RBL1: variants seen among roughly 807,000 people sequenced by gnomAD.
The protein encoded by RBL1 is retinoblastoma-like protein 1.
Under a neutral mutation model 123.0 loss-of-function variants are expected in RBL1, and 82 were observed. The observed-to-expected ratio is 0.67, with a 90% CI of 0.56 to 0.80. The LOEUF (loss-of-function observed/expected upper bound fraction) is 0.80. Ranked by LOEUF, RBL1 falls within the 30% of genes least tolerant of loss-of-function variation. The pLI is 0.00. For synonymous variants in RBL1, 405 were observed against 441.3 expected, an observed-to-expected ratio of 0.92 and a Z score of 1.03; for missense variants, 1,171 against 1,299.6, an observed-to-expected ratio of 0.90 and a Z score of 1.52.
At chr20:37,040,098 A>G in intron 14 of RBL1, 55 bp downstream of exon 14, 2 of 1,598,582 alleles carry the variant, frequency 1.3e-6, no homozygotes, top group Non-Finnish European at 8.5e-7. Context: ...TTTCCCTGAA[A>G]AAAAGCCAAA....
At chr20:37,000,937 G>C (rs1423072372) in intron 21 of RBL1, among the ~76,000 whole-genome samples, 5 of 145,618 alleles carry the variant, frequency 3.4e-5, no homozygotes, top group Non-Finnish European at 4.6e-5. Flanking sequence ...CCCCATCCGG[G>C]AGGTGAGGGG....
rs765315002 is a variant in RBL1, at chr20:37,055,695, TTTAG to T, written c.1364-43_1364-40del. Reference sequence around the variant, plus strand: ...ACAGAGAAAACATGTGTTAATGAATTTTAGTTGTTAAGGACTGAAAAGCAAAAAT... The same window carrying T: ...ACAGAGAAAACATGTGTTAATGAATTTTGTTAAGGACTGAAAAGCAAAAAT... On this transcript the variant is annotated intron_variant, in intron 10 of 21. Coordinates refer to ENST00000373664, the MANE Select transcript of RBL1 (RefSeq NM_002895.5). 3.2e-6 allele frequency: 5 copies of T among 1,559,496 alleles called. No individual in the cohort carries two copies. In the Admixed American group the frequency reaches 1.0e-4, roughly 31 times the overall value.
chr20:37,009,060 T>C (rs1303906391), intron 19 of RBL1, among the ~76,000 whole-genome samples: 5 of 151,954 alleles, frequency 3.3e-5, no homozygotes, highest in Non-Finnish European at 5.9e-5. Context: ...AGTCTTGCTC[T>C]GTCACCCAGC....
chr20:37,019,824 T>A (rs1440153121), intron 18 of RBL1, among the ~76,000 whole-genome samples: 2 of 152,146 alleles, frequency 1.3e-5, no homozygotes, highest in Non-Finnish European at 1.5e-5. Flanking sequence ...ATAACAACAA[T>A]ATGACATGAA....
chr20:37,055,341 A>G (rs1267368713), intron 11 of RBL1, among the ~76,000 whole-genome samples: 2 of 151,560 alleles, frequency 1.3e-5, no homozygotes, highest in Non-Finnish European at 2.9e-5. Flanking sequence ...ACACTTAAAA[A>G]ACACTGATGT....
intron 17 of RBL1, 45 bp downstream of exon 17, chr20:37,022,605 G>A (rs369711095): frequency 6.5e-7 from 1 of 1,544,628 alleles, no homozygotes; most frequent in Non-Finnish European, 8.8e-7. Flanking sequence ...AGGATTATAC[G>A]TGTGAGCCAC....
At chr20:37,053,250 T>C (rs2064948043) in intron 11 of RBL1, among the ~76,000 whole-genome samples, 1 of 152,212 alleles carries the variant, frequency 6.6e-6, no homozygotes, top group Non-Finnish European at 1.5e-5. Context: ...AATAACACCA[T>C]TTCGCTCAAC....
chr20:37,068,544 C>A (rs1383950310), intron 2 of RBL1, among the ~76,000 whole-genome samples: 1 of 151,538 alleles, frequency 6.6e-6, no homozygotes, highest in Non-Finnish European at 1.5e-5. Context: ...AAAAAAAAGT[C>A]CTCACTATGA....
chr20:37,021,136 A>G (rs145822554), intron 17 of RBL1, among the ~76,000 whole-genome samples: 31 of 152,360 alleles, frequency 2.0e-4, no homozygotes, highest in African/African-American at 6.3e-4. Context: ...ATGATTCTCA[A>G]TCAAACTGAG....
chr20:37,091,964 T>C (rs973403771), intron 1 of RBL1, among the ~76,000 whole-genome samples: 1 of 152,152 alleles, frequency 6.6e-6, no homozygotes, highest in Non-Finnish European at 1.5e-5. Flanking sequence ...GAATAGGGTC[T>C]GGTCATGGTG....
Position 37,005,824 on chromosome 20 carries a change from C to T in RBL1, c.2871+1587G>A, listed in dbSNP as rs933417702. Among the ~76,000 whole-genome samples, 11 of 149,400 alleles carry T rather than the reference C, an allele frequency of 7.4e-5. 1 individual carries two copies. The highest frequency in any genetic ancestry group is 4.2e-4 in the South Asian group (2 of 4,752). On this transcript the variant is annotated intron_variant, in intron 20 of 21. Transcript: ENST00000373664. ...AGAAATCTACAGAGGCACATAGATA[C>T]ATAGAAACAGCTATTGGCTGTCCGG...
intron 2 of RBL1, among the ~76,000 whole-genome samples, chr20:37,085,676 C>G (rs1304214868): frequency 1.0e-5 from 1 of 99,998 alleles, no homozygotes; most frequent in Non-Finnish European, 1.8e-5. Flanking sequence ...TTTTTTGAGA[C>G]GGAGTCTCAC....
chr20:37,004,043 G>T (rs1600439482), intron 20 of RBL1, among the ~76,000 whole-genome samples, 177 bp from the exon 21 acceptor site: 1 of 148,952 alleles, frequency 6.7e-6, no homozygotes, highest in Admixed American at 6.7e-5. Context: ...AACAACAATA[G>T]ATAAACTAGA....
chr20:37,070,015 T>C (rs2065259190), intron 2 of RBL1, among the ~76,000 whole-genome samples: 1 of 152,234 alleles, frequency 6.6e-6, no homozygotes, highest in Admixed American at 6.5e-5. Flanking sequence ...ATGGCGGCTT[T>C]GTGGAATAGA....
At chr20:37,062,937 G>A (rs1212696234) in intron 7 of RBL1, among the ~76,000 whole-genome samples, 12 of 149,700 alleles carry the variant, frequency 8.0e-5, no homozygotes, top group Admixed American at 6.6e-5. Context: ...AGCTGAGATC[G>A]CGCCACTGCA....
chr20:37,000,769 C>G (rs1442238101), intron 21 of RBL1, among the ~76,000 whole-genome samples: 6 of 83,836 alleles, frequency 7.2e-5, no homozygotes, highest in Admixed American at 2.4e-4. Flanking sequence ...AGGAGGGAGG[C>G]GGGGGGGTCA....
At chr20:37,074,307 G>C (rs62206487) in intron 2 of RBL1, among the ~76,000 whole-genome samples, 1 of 151,290 alleles carries the variant, frequency 6.6e-6, no homozygotes, top group Non-Finnish European at 1.5e-5. Flanking sequence ...TTAGCTACTC[G>C]AGGGGCTGAG....
At chr20:37,056,872 T>C (rs182066760) in intron 9 of RBL1, among the ~76,000 whole-genome samples, 2 of 152,334 alleles carry the variant, frequency 1.3e-5, no homozygotes, top group Admixed American at 6.5e-5. Context: ...TTTTGTCTTT[T>C]TGTGATTGAC....
intron 9 of RBL1, among the ~76,000 whole-genome samples, chr20:37,057,955 G>A (rs544514887): frequency 6.5e-4 from 99 of 151,730 alleles, no homozygotes; most frequent in Non-Finnish European, 1.3e-3. Flanking sequence ...GTAAAACCCC[G>A]TCTCTACTAA....
Sources: gnomAD v4.1 joint callset for allele counts (sites outside exome capture counted in the v4.1 genomes callset) on GRCh38, gnomAD v4.1.1 for gene constraint, MANE v1.5 for transcripts, NCBI Gene and HGNC (gene_info 2026-07-23, HGNC 2026-07-21) for gene names.